The following ITPK1 variants were observed in gnomAD, a reference collection of about 807,000 sequenced individuals.
The protein encoded by ITPK1 is inositol-tetrakisphosphate 1-kinase.
In ITPK1, 21 loss-of-function variants were observed where a neutral mutation model predicts 45.3. The ratio of observed to expected loss-of-function variants is 0.46; its 90% CI spans 0.33 to 0.67. ITPK1 has a LOEUF of 0.67. ITPK1 is among the 30% of genes least tolerant of loss of function. ITPK1 has a pLI of 0.02. For synonymous variants in ITPK1, 258 were observed against 253.6 expected (o/e 1.02, Z -0.16); for missense variants, 474 against 573.5 (o/e 0.83, Z 1.77).
intron 2 of ITPK1, among the ~76,000 whole-genome samples, chr14:93,103,597 C>T (rs1158677533): frequency 1.3e-5 from 2 of 152,062 alleles, no homozygotes; most frequent in African/African-American, 4.8e-5. Flanking sequence ...TCCCCAGAAC[C>T]CAGGAGTGCC....
chr14:93,028,492 C>G, intron 3 of ITPK1, among the ~76,000 whole-genome samples: 1 of 152,228 alleles, frequency 6.6e-6, no homozygotes, highest in Admixed American at 6.5e-5. Flanking sequence ...ATACTGGAAG[C>G]AATGGAGGGG....
intron 10 of ITPK1, among the ~76,000 whole-genome samples, chr14:92,942,733 A>AACATCG (rs1887495006): frequency 6.6e-6 from 1 of 152,076 alleles, no homozygotes; most frequent in African/African-American, 2.4e-5. Context: ...TGCGAACATC[A>AACATCG]GCAGAGCCCT....
At chr14:93,062,804 A>G (rs1017016048) in intron 3 of ITPK1, among the ~76,000 whole-genome samples, 1 of 152,154 alleles carries the variant, frequency 6.6e-6, no homozygotes, top group African/African-American at 2.4e-5. Context: ...GGCCTACCAT[A>G]CACCAAGGCG....
At chr14:93,028,914 G>T (rs1888891572) in intron 3 of ITPK1, among the ~76,000 whole-genome samples, 1 of 152,206 alleles carries the variant, frequency 6.6e-6, no homozygotes, top group African/African-American at 2.4e-5. Context: ...CAAGCTGACT[G>T]AGCTTACGTG....
At position 92,971,784 on chromosome 14, in the gene ITPK1, C is replaced by G. The variant is rs142932610; in HGVS notation, c.365-8935G>C. On this transcript the variant is annotated intron_variant, in intron 5 of 10. Coordinates refer to ENST00000267615, the MANE Select transcript of ITPK1 (RefSeq NM_014216.6). ...CTAGGCCAGTGATGCCGCCCACCTC[C>G]CGGGGTGGTTGCAGGGACGCGGTGA... Among the ~76,000 whole-genome samples the G allele has an allele frequency of 4.6e-3, 699 of 152,344 alleles. 7 individuals carry two copies. The highest frequency in any genetic ancestry group is 0.016 in the African/African-American group (648 of 41,592).
intron 3 of ITPK1, among the ~76,000 whole-genome samples, chr14:93,044,929 G>T (rs1052768888): frequency 3.3e-5 from 5 of 152,196 alleles, no homozygotes; most frequent in African/African-American, 9.6e-5. Context: ...ACCTGACAGG[G>T]TTTAGCACCA....
At chr14:93,022,605 C>G (rs1399359215) in intron 3 of ITPK1, among the ~76,000 whole-genome samples, 1 of 151,674 alleles carries the variant, frequency 6.6e-6, no homozygotes, top group Non-Finnish European at 1.5e-5. Context: ...CTCTGCCTCC[C>G]GGGTCCAAGT....
intron 7 of ITPK1, among the ~76,000 whole-genome samples, chr14:92,961,930 T>C (rs2139741201): frequency 6.6e-6 from 1 of 152,152 alleles, no homozygotes; most frequent in East Asian, 1.9e-4. Context: ...AGTGAGAAGG[T>C]GGCCATTTGC....
chr14:92,941,624 G>A lies in ITPK1; in HGVS notation c.1182C>T (p.Gly394=), dbSNP rs576289956. ...LPHQRLGCNA[G]VSPSFQQHCV... ...AATGCTGCTGGAAGCTGGGCGACAC[G>A]CCGGCGTTGCAGCCGAGTCTCTGGT... Residue 394 remains glycine (G), a synonymous_variant, in exon 11 of 11, where the codon GGC becomes GGT. Transcript: ENST00000267615. 19 of 1,538,088 alleles carry A rather than the reference G, an allele frequency of 1.2e-5. No homozygotes were observed. Among genetic ancestry groups the A allele is most frequent in the East Asian group, 9.8e-5 (4 of 40,744 alleles).
intron 6 of ITPK1, 91 bp from the exon 7 acceptor site, chr14:92,962,486 C>A (rs573873435): frequency 2.2e-6 from 2 of 896,204 alleles, no homozygotes; most frequent in South Asian, 2.7e-5. Context: ...GGAACTCTAG[C>A]TGAGACACAG....
chr14:93,095,628 A>G lies in ITPK1; in HGVS notation c.96-19009T>C, dbSNP rs980244564. Among the ~76,000 whole-genome samples, 3 of 145,376 alleles carry G rather than the reference A, an allele frequency of 2.1e-5. No individual in the cohort carries two copies. In the Admixed American group the frequency reaches 2.1e-4, roughly 10 times the overall value. On this transcript the variant is annotated intron_variant, in intron 2 of 10. Transcript: ENST00000267615. ...ACTTTTATCTTAGATTCAGGGGTAC[A>G]TGTGCAGGTTTGTTACAAGTATAAT...
intron 5 of ITPK1, among the ~76,000 whole-genome samples, chr14:92,976,957 C>T (rs1465957147): frequency 6.6e-6 from 1 of 152,216 alleles, no homozygotes; most frequent in Non-Finnish European, 1.5e-5. Flanking sequence ...GGCACTGGGC[C>T]AGCTGTGCTT....
chr14:93,105,996 C>T (rs1021556866), intron 2 of ITPK1, among the ~76,000 whole-genome samples: 1 of 152,210 alleles, frequency 6.6e-6, no homozygotes, highest in African/African-American at 2.4e-5. Flanking sequence ...TGAGCCACCA[C>T]GCCCATCCCC....
At chr14:92,948,217 G>A (rs982921400) in intron 9 of ITPK1, among the ~76,000 whole-genome samples, 1 of 152,124 alleles carries the variant, frequency 6.6e-6, no homozygotes, top group Non-Finnish European at 1.5e-5. Flanking sequence ...GAGTGCCGGT[G>A]GGCCCAGGGT....
chr14:93,087,773 C>A (rs901004451), intron 2 of ITPK1, among the ~76,000 whole-genome samples: 1 of 152,284 alleles, frequency 6.6e-6, no homozygotes, highest in Non-Finnish European at 1.5e-5. Flanking sequence ...TTTGTAGGGG[C>A]CTTCAACAGT....
rs369620333 is a variant in ITPK1, at chr14:93,005,765, T to C, written c.246+10911A>G. On this transcript the variant is annotated intron_variant, in intron 4 of 10. Coordinates refer to ENST00000267615, the MANE Select transcript of ITPK1 (RefSeq NM_014216.6). ...AATTCCTCACCTGTGCACCCAAAAATACATGTACTAGGCTATTCACTACAG... is the reference window on the plus strand; with the variant it reads ...AATTCCTCACCTGTGCACCCAAAAACACATGTACTAGGCTATTCACTACAG... Among the ~76,000 whole-genome samples, 51 of 152,306 alleles carry C rather than the reference T, an allele frequency of 3.3e-4. 1 individual carries two copies. The East Asian group carries it at 8.5e-3, about 25-fold the overall frequency.
chr14:92,979,116 G>C (rs1886092242), intron 5 of ITPK1, among the ~76,000 whole-genome samples: 1 of 152,248 alleles, frequency 6.6e-6, no homozygotes, highest in African/African-American at 2.4e-5. Context: ...TGGAGTCAAA[G>C]GACATTATTT....
chr14:93,012,748 C>T lies in ITPK1; in HGVS notation c.246+3928G>A, dbSNP rs539636360. 2.6e-4 allele frequency among the ~76,000 whole-genome samples: 40 copies of T among 152,296 alleles called. No individual in the cohort carries two copies. Among genetic ancestry groups the T allele is most frequent in the African/African-American group, 7.9e-4 (33 of 41,560 alleles). On this transcript the variant is annotated intron_variant, in intron 4 of 10. Coordinates refer to ENST00000267615, the MANE Select transcript of ITPK1 (RefSeq NM_014216.6). This position sits in a 1 kb window ranked among gnomAD's most constrained non-coding sequence, Gnocchi z 4.9. ...CAGGGGACATCTGAGGGACAATTACCGTCCTTCCAGCTGATAAAGACAGGG... is the reference window on the plus strand; with the variant it reads ...CAGGGGACATCTGAGGGACAATTACTGTCCTTCCAGCTGATAAAGACAGGG...
chr14:92,947,785 G>A (rs1887758110), intron 9 of ITPK1, among the ~76,000 whole-genome samples: 1 of 152,170 alleles, frequency 6.6e-6, no homozygotes, highest in Non-Finnish European at 1.5e-5. Flanking sequence ...GGGAGTGGCT[G>A]ATCCATGAAA....
Sources: gnomAD v4.1 joint callset for allele counts (sites outside exome capture counted in the v4.1 genomes callset) on GRCh38, gnomAD v4.1.1 for gene constraint, Gnocchi (gnomAD v3.1) non-coding constraint, MANE v1.5 for transcripts, NCBI Gene and HGNC (gene_info 2026-07-23, HGNC 2026-07-21) for gene names.